Variants in DOT1L observed in about 807,000 individuals in gnomAD.
The protein encoded by DOT1L is histone-lysine N-methyltransferase, H3 lysine-79 specific.
DOT1L carries 33 observed loss-of-function variants against 153.3 expected under a neutral mutation model. The ratio of observed to expected loss-of-function variants is 0.22; its 90% CI spans 0.16 to 0.29. The LOEUF (loss-of-function observed/expected upper bound fraction) is 0.29, where lower values mean the gene tolerates loss of function less well. Ranked by LOEUF, DOT1L falls within the 10% of genes least tolerant of loss-of-function variation. DOT1L has a pLI of 1.00. For missense variants in DOT1L, 1,847 were observed against 2,119.9 expected, an observed-to-expected ratio of 0.87 and a Z score of 2.53; for synonymous variants, 1,135 against 965.1, an observed-to-expected ratio of 1.18 and a Z score of -3.26.
rs1051753987 is a variant in DOT1L at position 2,230,198 on chromosome 19, G to A, written c.*406G>A. The A allele has an allele frequency of 4.7e-5, 22 of 464,290 alleles. No individual in the cohort carries two copies. Among genetic ancestry groups the A allele is most frequent in the Admixed American group, 2.3e-4 (6 of 25,728 alleles). The allele number at this position is 464,290 out of a possible 1,614,324, so 28.8% of individuals were successfully genotyped here. ...CCCAGGCCCGCGCCTGCCTCCACCC[G>A]CTTGGTGCTGACTAGACGCTGACAA... On this transcript the variant is annotated 3_prime_UTR_variant, in exon 28 of 28. Coordinates refer to ENST00000398665, the MANE Select transcript of DOT1L (RefSeq NM_032482.3).
chr19:2,226,092 T>A, intron 26 of DOT1L, 91 bp from the exon 27 acceptor site: 27 of 1,383,374 alleles, frequency 2.0e-5, no homozygotes, highest in Non-Finnish European at 2.6e-5. Context: ...CCTGCAGAGT[T>A]GCCCGGGCCG....
Position 2,194,498 on chromosome 19 carries a change from G to A in DOT1L, c.589-17G>A. The stretch of plus-strand genomic sequence containing the variant: ...CCCTGAGAGTTTGTAACGGGCGTTT[G>A]GTTTCTTTCCTTCCAGACCATGGAC... On this transcript the variant is annotated splice_polypyrimidine_tract_variant and intron_variant, in intron 6 of 27. Coordinates refer to ENST00000398665, the MANE Select transcript of DOT1L (RefSeq NM_032482.3). 2 of 1,613,804 alleles carry A rather than the reference G, an allele frequency of 1.2e-6. No homozygotes were observed. Among genetic ancestry groups the A allele is most frequent in the Non-Finnish European group, 1.7e-6 (2 of 1,179,892 alleles).
At position 2,207,801 on chromosome 19, in the gene DOT1L, CCCCGGCCCCTGAGCTCAGG is replaced by C; in HGVS notation, c.963+125_963+143del. On this transcript the variant is annotated intron_variant, in intron 11 of 27. Transcript: ENST00000398665. The surrounding 1 kb of genome is among the most constrained non-coding windows in gnomAD (Gnocchi z 4.5). Reference sequence around the variant, plus strand: ...CCCTCCCCTCAGAGCCCTCAACGCCCCCCGGCCCCTGAGCTCAGGCCCAGCTCCTCAAGGCCCCTCAGTA... The same window carrying C: ...CCCTCCCCTCAGAGCCCTCAACGCCCCCCAGCTCCTCAAGGCCCCTCAGTA... 1 of 916,754 alleles carries C rather than the reference CCCCGGCCCCTGAGCTCAGG, an allele frequency of 1.1e-6. No homozygotes were observed. The highest frequency in any genetic ancestry group is 1.6e-6 in the Non-Finnish European group (1 of 619,072). 56.8% of individuals were successfully genotyped at this position (916,754 alleles called of 1,614,324 possible). A position where few individuals can be genotyped will look rare whatever the true frequency, so the allele number is the denominator to read the frequency against.
At position 2,230,869 on chromosome 19, in the gene DOT1L, C is replaced by T. The variant is rs113920859; in HGVS notation, c.*1077C>T. On this transcript the variant is annotated 3_prime_UTR_variant, in exon 28 of 28. Transcript: ENST00000398665. ...GCTGCCGGCGCCCCTGCCTGCCCCACATCCCTTCCTGTCAGGGCCACGCCT... is the reference window on the plus strand; with the variant it reads ...GCTGCCGGCGCCCCTGCCTGCCCCATATCCCTTCCTGTCAGGGCCACGCCT... The T allele has an allele frequency of 3.6e-4, 124 of 340,068 alleles. No individual in the cohort carries two copies. The highest frequency in any genetic ancestry group is 2.2e-3 in the African/African-American group (103 of 47,874). The allele number at this position is 340,068 out of a possible 1,614,324, so 21.1% of individuals were successfully genotyped here.
intron 1 of DOT1L, among the ~76,000 whole-genome samples, chr19:2,171,995 A>G (rs1832901474): frequency 6.6e-6 from 1 of 152,104 alleles, no homozygotes; most frequent in Admixed American, 6.6e-5. Context: ...CGTGAAGATA[A>G]CAGATGGTCA....
intron 15 of DOT1L, 69 bp downstream of exon 15, chr19:2,211,281 T>C: frequency 1.4e-6 from 2 of 1,379,984 alleles, no homozygotes; most frequent in Non-Finnish European, 9.9e-7. Flanking sequence ...CCGTGGGTTG[T>C]GACGCTGACC....
In DOT1L at chr19:2,231,733, C is replaced by A. The variant is rs116269952; in HGVS notation, c.*1941C>A. Reference sequence around the variant, plus strand: ...CCACAGGGTTGATGGCAGAGACGGCCGAGTCCCTGGTCTAGAACAAGACAC... The same window carrying A: ...CCACAGGGTTGATGGCAGAGACGGCAGAGTCCCTGGTCTAGAACAAGACAC... On this transcript the variant is annotated 3_prime_UTR_variant, in exon 28 of 28. Transcript: ENST00000398665. 3,469 of 213,336 alleles carry A rather than the reference C, an allele frequency of 0.016. 120 individuals are homozygous for A. The highest frequency in any genetic ancestry group is 0.071 in the African/African-American group (3,141 of 44,168). The allele number at this position is 213,336 out of a possible 1,614,324, so 13.2% of individuals were successfully genotyped here. A position where few individuals can be genotyped will look rare whatever the true frequency, so the allele number is the denominator to read the frequency against.
intron 1 of DOT1L, among the ~76,000 whole-genome samples, chr19:2,170,013 T>C (rs2020066559): frequency 6.6e-6 from 1 of 151,990 alleles, no homozygotes; most frequent in South Asian, 2.1e-4. Context: ...AAAAATTAGC[T>C]GGGCGTGGTG....
In DOT1L at chr19:2,228,083, G is replaced by A. The variant is rs765445944; in HGVS notation, c.4606+956G>A. The A allele has an allele frequency of 5.3e-6, 7 of 1,332,546 alleles. No individual in the cohort carries two copies. The Admixed American group carries it at 1.1e-4, about 20-fold the overall frequency. 82.5% of individuals were successfully genotyped at this position (1,332,546 alleles called of 1,614,324 possible). On this transcript the variant is annotated intron_variant, in intron 27 of 27. Coordinates refer to ENST00000398665, the MANE Select transcript of DOT1L (RefSeq NM_032482.3). ...TTCTGCAGAGCCTCGCGTCCCTCCC[G>A]CCTAACCAAGCTTTCTTGCCCCCCA...
rs145037052 is a variant in DOT1L, at chr19:2,199,208, T to G, written c.652-676T>G. ...CTTGAGGTCTGGAGGTGGACTGGCGTCGGGCTGCAGCTGGCCTTGCTGTGA... is the reference window on the plus strand; with the variant it reads ...CTTGAGGTCTGGAGGTGGACTGGCGGCGGGCTGCAGCTGGCCTTGCTGTGA... On this transcript the variant is annotated intron_variant, in intron 7 of 27. Coordinates refer to ENST00000398665, the MANE Select transcript of DOT1L (RefSeq NM_032482.3). 5.8e-3 allele frequency among the ~76,000 whole-genome samples: 884 copies of G among 152,324 alleles called. 10 individuals carry two copies. The highest frequency in any genetic ancestry group is 0.02 in the African/African-American group (834 of 41,584).
intron 22 of DOT1L, among the ~76,000 whole-genome samples, chr19:2,218,227 C>T (rs538649505): frequency 3.9e-5 from 6 of 152,310 alleles, no homozygotes; most frequent in African/African-American, 1.2e-4. Flanking sequence ...CATTGGCTGC[C>T]GTGGCCCCTG....
intron 10 of DOT1L, 21 bp downstream of exon 10, chr19:2,206,818 T>C (rs1289442989): frequency 6.2e-7 from 1 of 1,609,402 alleles, no homozygotes. Flanking sequence ...CTCATGTTGT[T>C]AATGATGAAC....
At position 2,226,722 on chromosome 19, in the gene DOT1L, G is replaced by T; in HGVS notation, c.4201G>T (p.Asp1401Tyr). 2 of 1,562,908 alleles carry T rather than the reference G, an allele frequency of 1.3e-6. No homozygotes were observed. The highest frequency in any genetic ancestry group is 1.7e-6 in the Non-Finnish European group (2 of 1,159,158). ...CGGCCTACCGCTGTGCGGGCCCACG[G>T]ACAAGACCCCACTGCTGAGCGGCAA... ...EGGLPLCGPT[D>Y]KTPLLSGKAA... The change falls in exon 27 of 28, where the codon GAC (aspartate) becomes TAC (tyrosine). Residue 1401 changes from aspartate to tyrosine, a missense_variant. Asp to Tyr is a radical substitution (Grantham distance 160). Around this residue, in one of 8 missense-constraint regions of DOT1L, gnomAD observed 934 missense variants for 825.3 expected, o/e 1.13. Coordinates refer to ENST00000398665, the MANE Select transcript of DOT1L (RefSeq NM_032482.3).
chr19:2,202,799 G>C lies in DOT1L; in HGVS notation c.787+20G>C. 1.2e-6 allele frequency: 2 copies of C among 1,613,880 alleles called. No individual in the cohort carries two copies. Among genetic ancestry groups the C allele is most frequent in the Non-Finnish European group, 1.7e-6 (2 of 1,179,760 alleles). On this transcript the variant is annotated intron_variant, in intron 9 of 27. Coordinates refer to ENST00000398665, the MANE Select transcript of DOT1L (RefSeq NM_032482.3). ...AGGAAGGTAAGGCGCCCTCCTCGCC[G>C]GTCTGTGCTGGTGTGACATGATTGA... is the stretch of plus-strand genomic sequence containing the variant.
rs2144939341 is a variant in DOT1L at position 2,227,049 on chromosome 19, G to A, written c.4528G>A (p.Val1510Met). ...GCCGGCCGCCGCAGGCCTGGTGCAC[G>A]TGTCGTCCGCTGCCACCAGACTGAC... ...SVPAAAGLVH[V>M]SSAATRLTNS... The change falls in exon 27 of 28, where the codon GTG (valine) becomes ATG (methionine). Residue 1510 changes from valine to methionine, a missense_variant. Physicochemically the swap from Val to Met is conservative, Grantham distance 21 (BLOSUM62 1). Coordinates refer to ENST00000398665, the MANE Select transcript of DOT1L (RefSeq NM_032482.3). 1 of 1,576,116 alleles carries A rather than the reference G, an allele frequency of 6.3e-7. No individual in the cohort carries two copies. Among genetic ancestry groups the A allele is most frequent in the Non-Finnish European group, 8.6e-7 (1 of 1,167,010 alleles).
intron 3 of DOT1L, among the ~76,000 whole-genome samples, chr19:2,188,724 G>A (rs2022660290): frequency 1.3e-5 from 2 of 152,210 alleles, no homozygotes; most frequent in South Asian, 4.1e-4. Flanking sequence ...CACCTTCTGA[G>A]GTGGAGGGAC....
intron 16 of DOT1L, chr19:2,212,112 C>G: frequency 2.4e-6 from 1 of 412,788 alleles, no homozygotes. Context: ...AACAAGCAAC[C>G]TTCCCCCTAG....
At chr19:2,206,075 G>T (rs1044092463) in intron 9 of DOT1L, among the ~76,000 whole-genome samples, 1 of 151,622 alleles carries the variant, frequency 6.6e-6, no homozygotes, top group Admixed American at 6.6e-5. Context: ...CGACTCACTT[G>T]CAGCTTCCAC....
rs754662710 is a variant in DOT1L, at chr19:2,220,459, T to A, written c.2806+237T>A. 3 of 630,444 alleles carry A rather than the reference T, an allele frequency of 4.8e-6. No homozygotes were observed. Among genetic ancestry groups the A allele is most frequent in the Non-Finnish European group, 8.8e-6 (3 of 339,062 alleles). 39.1% of individuals were successfully genotyped at this position (630,444 alleles called of 1,614,324 possible). A position where few individuals can be genotyped will look rare whatever the true frequency, so the allele number is the denominator to read the frequency against. ...ACCTGGGTCTCCCGACACTGACACC[T>A]CCTGCTTGGGTGTATTAATTCAGCC... On this transcript the variant is annotated intron_variant, in intron 23 of 27. Transcript: ENST00000398665. The surrounding 1 kb of genome is among the most constrained non-coding windows in gnomAD (Gnocchi z 4.5).
Sources: gnomAD v4.1 joint callset for allele counts (sites outside exome capture counted in the v4.1 genomes callset) on GRCh38, gnomAD v4.1.1 for gene constraint, gnomAD v4.1.1 regional missense constraint, Gnocchi (gnomAD v3.1) non-coding constraint, MANE v1.5 for transcripts, NCBI Gene and HGNC (gene_info 2026-07-23, HGNC 2026-07-21) for gene names.